The following PVT1 variants were observed in gnomAD, a reference collection of about 807,000 sequenced individuals.
PVT1 encodes the protein CXCR4/PVT1 fusion.
At chr8:128,011,067 C>G (rs773585192) in intron 4 of PVT1, among the ~76,000 whole-genome samples, 1 of 152,052 alleles carries the variant, frequency 6.6e-6, no homozygotes, top group Non-Finnish European at 1.5e-5. Context: ...CAAATTTACC[C>G]AGGCCTCTGG....
intron 3 of PVT1, among the ~76,000 whole-genome samples, chr8:127,984,916 T>TC (rs1816940448): frequency 1.8e-5 from 1 of 55,516 alleles, no homozygotes; most frequent in Admixed American, 3.4e-4. Flanking sequence ...TTTCTTTCTT[T>TC]CTTTCTCTTT....
intron 4 of PVT1, among the ~76,000 whole-genome samples, chr8:127,991,044 CATT>C (rs1350350237): frequency 6.6e-6 from 1 of 152,040 alleles, no homozygotes; most frequent in Non-Finnish European, 1.5e-5. Context: ...ATTTTCGTAT[CATT>C]GTTGAATTTC....
intron 4 of PVT1, among the ~76,000 whole-genome samples, chr8:128,041,488 A>G (rs1813542066): frequency 1.6e-5 from 2 of 127,912 alleles, no homozygotes; most frequent in Admixed American, 8.1e-5. Flanking sequence ...CCTGGTGCGT[A>G]TGTGTTTGGT....
In PVT1 at chr8:128,092,510, G is replaced by T. The variant is rs1301460220; in HGVS notation, n.1115-4008G>T. On this transcript the variant is annotated intron_variant and non_coding_transcript_variant, in intron 5 of 10. Transcript: ENST00000651587. Reference sequence around the variant, plus strand: ...GGACAGCTGTTCACTCCCTTCTCAGGCTTGCTGGGGACACATACGTCATGC... The same window carrying T: ...GGACAGCTGTTCACTCCCTTCTCAGTCTTGCTGGGGACACATACGTCATGC... Among the ~76,000 whole-genome samples, 3 of 152,230 alleles carry T rather than the reference G, an allele frequency of 2.0e-5. No individual in the cohort carries two copies. The East Asian group carries it at 5.8e-4, about 29-fold the overall frequency.
chr8:127,971,083 T>C (rs151273652), intron 3 of PVT1, among the ~76,000 whole-genome samples: 9 of 152,358 alleles, frequency 5.9e-5, no homozygotes, highest in African/African-American at 2.2e-4. Flanking sequence ...AAGCCTAAAA[T>C]AGTTTCTGTC....
chr8:127,994,181 C>T (rs117752675), intron 4 of PVT1, among the ~76,000 whole-genome samples: 2,927 of 152,328 alleles, frequency 0.019, 43 homozygotes, highest in South Asian at 0.035. Flanking sequence ...CACTCCTAGT[C>T]CCTTCTTTCA....
intron 3 of PVT1, among the ~76,000 whole-genome samples, chr8:127,988,014 G>T (rs879704099): frequency 1.3e-5 from 2 of 152,180 alleles, no homozygotes; most frequent in Non-Finnish European, 2.9e-5. Flanking sequence ...AGGAGGCGAG[G>T]ACTCTGAGGC....
chr8:127,869,592 C>A (rs1474951642), intron 2 of PVT1, among the ~76,000 whole-genome samples: 1 of 152,158 alleles, frequency 6.6e-6, no homozygotes. Flanking sequence ...GGCTCTTTCC[C>A]TCCTCTTGTT....
intron 3 of PVT1, among the ~76,000 whole-genome samples, chr8:127,935,942 T>C (rs985771682): frequency 6.6e-6 from 1 of 151,670 alleles, no homozygotes; most frequent in Non-Finnish European, 1.5e-5. Context: ...TTGAGAATCT[T>C]GTCAGGGGTG....
chr8:128,020,020 C>T (rs1016001972), intron 4 of PVT1, among the ~76,000 whole-genome samples: 6 of 151,760 alleles, frequency 4.0e-5, no homozygotes, highest in African/African-American at 1.5e-4. Context: ...GGAAATGTTT[C>T]CTGATTTTCG....
chr8:127,966,916 A>T (rs1816708778), intron 3 of PVT1, among the ~76,000 whole-genome samples: 1 of 151,782 alleles, frequency 6.6e-6, no homozygotes, highest in Admixed American at 6.6e-5. Context: ...ATGTGCCGAG[A>T]CTCCATGCCC....
intron 3 of PVT1, among the ~76,000 whole-genome samples, chr8:127,901,860 C>T (rs1815763149): frequency 6.6e-6 from 1 of 151,908 alleles, no homozygotes; most frequent in Admixed American, 6.6e-5. Flanking sequence ...CCTTGTTCTC[C>T]CAAAGTGCTG....
chr8:127,960,120 A>G (rs915855624), intron 3 of PVT1, among the ~76,000 whole-genome samples: 6 of 152,186 alleles, frequency 3.9e-5, no homozygotes, highest in African/African-American at 1.4e-4. Flanking sequence ...CTTTTGCTAG[A>G]AGGGATCGGC....
At chr8:128,086,609 G>A (rs566256600) in intron 5 of PVT1, among the ~76,000 whole-genome samples, 4 of 152,330 alleles carry the variant, frequency 2.6e-5, no homozygotes, top group African/African-American at 9.6e-5. Context: ...CACCACAACA[G>A]CTGTCTTGTC....
chr8:127,929,261 C>T (rs1816171682), intron 3 of PVT1, among the ~76,000 whole-genome samples: 1 of 147,672 alleles, frequency 6.8e-6, no homozygotes, highest in Non-Finnish European at 1.5e-5. Flanking sequence ...CCAGGATCTA[C>T]TTGGCTGTGT....
chr8:128,094,639 A>C (rs1419163096), intron 5 of PVT1, among the ~76,000 whole-genome samples: 1 of 152,252 alleles, frequency 6.6e-6, no homozygotes, highest in African/African-American at 2.4e-5. Context: ...TGTGGGTAAA[A>C]TGTTAAAGTG....
intron 2 of PVT1, among the ~76,000 whole-genome samples, chr8:127,804,496 T>A (rs1400194506): frequency 2.0e-5 from 3 of 151,506 alleles, no homozygotes; most frequent in Non-Finnish European, 2.9e-5. Flanking sequence ...TTTAATTTTT[T>A]ATTTTTTTGT....
chr8:127,808,733 GA>G (rs1814556289), intron 2 of PVT1, among the ~76,000 whole-genome samples: 1 of 152,038 alleles, frequency 6.6e-6, no homozygotes, highest in African/African-American at 2.4e-5. Context: ...TTTGGAGACA[GA>G]AAGGACTTCT....
At chr8:127,864,271 G>T (rs1409567089) in intron 2 of PVT1, among the ~76,000 whole-genome samples, 1 of 152,064 alleles carries the variant, frequency 6.6e-6, no homozygotes, top group Non-Finnish European at 1.5e-5. Flanking sequence ...ACCTGGGGAG[G>T]GGAGAGAGCC....
Sources: allele counts gnomAD v4.1 joint callset (sites outside exome capture counted in the v4.1 genomes callset), GRCh38; gene constraint gnomAD v4.1.1; transcripts MANE v1.5; gene names NCBI Gene and HGNC (gene_info 2026-07-23, HGNC 2026-07-21).